Variants in CNTNAP2 observed in about 807,000 individuals in gnomAD.
CNTNAP2 encodes the protein contactin associated protein 2.
CNTNAP2 carries 98 observed loss-of-function variants against 155.2 expected under a neutral mutation model. The observed-to-expected ratio is 0.63, with a 90% CI of 0.54 to 0.75. The LOEUF is 0.75. CNTNAP2 is among the 30% of genes least tolerant of loss of function. The pLI is 0.00. For synonymous variants in CNTNAP2, 651 were observed against 631.2 expected (o/e 1.03, Z -0.47); for missense variants, 1,727 against 1,688.1 (o/e 1.02, Z -0.40).
At chr7:147,929,534 C>A (rs1800461165) in intron 14 of CNTNAP2, among the ~76,000 whole-genome samples, 1 of 152,088 alleles carries the variant, frequency 6.6e-6, no homozygotes, top group South Asian at 2.1e-4. Context: ...TTTCAAAATA[C>A]AAAGTGTTAT....
intron 3 of CNTNAP2, among the ~76,000 whole-genome samples, chr7:146,842,932 G>T (rs1348357825): frequency 7.1e-6 from 1 of 140,554 alleles, no homozygotes; most frequent in East Asian, 2.2e-4. Flanking sequence ...TGATCTGCCT[G>T]CCTCGGCCTC....
intron 1 of CNTNAP2, among the ~76,000 whole-genome samples, chr7:146,240,928 G>T (rs1317202323): frequency 1.3e-5 from 2 of 152,102 alleles, no homozygotes; most frequent in Non-Finnish European, 2.9e-5. Flanking sequence ...TCAGCTTCTG[G>T]GGAGGCCTCA....
chr7:147,472,088 A>G (rs1278708994), intron 10 of CNTNAP2, among the ~76,000 whole-genome samples: 1 of 152,126 alleles, frequency 6.6e-6, no homozygotes, highest in Non-Finnish European at 1.5e-5. Flanking sequence ...GGGTTATGCT[A>G]TAGAAGAGGA....
intron 1 of CNTNAP2, among the ~76,000 whole-genome samples, chr7:146,446,220 A>T (rs1189574636): frequency 6.6e-6 from 1 of 152,170 alleles, no homozygotes; most frequent in East Asian, 1.9e-4. Context: ...TAATCATGAT[A>T]ATATGACACA....
At chr7:146,235,845 T>TAAAAACC (rs1033142421) in intron 1 of CNTNAP2, among the ~76,000 whole-genome samples, 2 of 152,092 alleles carry the variant, frequency 1.3e-5, no homozygotes, top group African/African-American at 4.8e-5. Flanking sequence ...TGCCTTCTTA[T>TAAAAACC]AAAAACCAAA....
intron 14 of CNTNAP2, among the ~76,000 whole-genome samples, chr7:147,972,323 G>T (rs1318541192): frequency 1.3e-5 from 2 of 152,242 alleles, no homozygotes; most frequent in East Asian, 3.9e-4. Context: ...TACTCTGCTA[G>T]AATTACTGTA....
intron 1 of CNTNAP2, among the ~76,000 whole-genome samples, chr7:146,683,502 T>A (rs1800541559): frequency 6.6e-6 from 1 of 152,338 alleles, no homozygotes; most frequent in East Asian, 1.9e-4. Flanking sequence ...GAACTCAAAC[T>A]ACAGTGCCAC....
chr7:147,898,046 T>C (rs1475562267), intron 13 of CNTNAP2, among the ~76,000 whole-genome samples: 1 of 152,192 alleles, frequency 6.6e-6, no homozygotes, highest in African/African-American at 2.4e-5. Context: ...TCTTGACTGT[T>C]TACCAGATTA....
At chr7:147,124,023 A>G (rs1801174801) in intron 6 of CNTNAP2, among the ~76,000 whole-genome samples, 2 of 152,264 alleles carry the variant, frequency 1.3e-5, no homozygotes, top group Non-Finnish European at 2.9e-5. Context: ...GCTTGGGCAA[A>G]AAGAGTGAAA....
At chr7:146,182,438 G>A (rs1182721361) in intron 1 of CNTNAP2, among the ~76,000 whole-genome samples, 1 of 152,074 alleles carries the variant, frequency 6.6e-6, no homozygotes, top group African/African-American at 2.4e-5. Flanking sequence ...CTACATATAG[G>A]CAAGCAGAGA....
intron 13 of CNTNAP2, among the ~76,000 whole-genome samples, chr7:147,902,831 T>G (rs1799894871): frequency 8.7e-6 from 1 of 115,316 alleles, no homozygotes; most frequent in Admixed American, 9.0e-5. Flanking sequence ...TGTGTGTGTG[T>G]GTGTGTGTGT....
At chr7:147,459,298 T>C (rs145663214) in intron 10 of CNTNAP2, among the ~76,000 whole-genome samples, 1 of 152,340 alleles carries the variant, frequency 6.6e-6, no homozygotes, top group East Asian at 1.9e-4. Context: ...CACATTCTGC[T>C]TGAAAGCTGA....
intron 1 of CNTNAP2, among the ~76,000 whole-genome samples, chr7:146,227,404 A>G: frequency 1.3e-5 from 2 of 149,116 alleles, no homozygotes; most frequent in Non-Finnish European, 3.0e-5. Flanking sequence ...CAGCCTGGGC[A>G]ACAGAGTGAG....
intron 13 of CNTNAP2, among the ~76,000 whole-genome samples, chr7:147,727,941 A>G (rs1376565426): frequency 2.6e-5 from 4 of 151,968 alleles, no homozygotes; most frequent in Admixed American, 6.6e-5. Context: ...CCATCTCACT[A>G]GCCACCCCTA....
intron 9 of CNTNAP2, among the ~76,000 whole-genome samples, chr7:147,386,371 A>C (rs772491107): frequency 2.6e-5 from 4 of 152,086 alleles, no homozygotes; most frequent in Admixed American, 6.6e-5. Context: ...TCAGGTTGTA[A>C]ATTTTCCAAA....
intron 10 of CNTNAP2, among the ~76,000 whole-genome samples, chr7:147,431,800 C>G (rs1489497929): frequency 6.6e-6 from 1 of 152,100 alleles, no homozygotes; most frequent in Non-Finnish European, 1.5e-5. Context: ...TTCTGCCTGC[C>G]CCTGCTAATT....
chr7:147,180,669 T>C (rs987993486), intron 8 of CNTNAP2, among the ~76,000 whole-genome samples: 2 of 152,168 alleles, frequency 1.3e-5, no homozygotes, highest in Non-Finnish European at 2.9e-5. Flanking sequence ...TTGTATATAT[T>C]AATAATTTCA....
chr7:148,355,467 C>G (rs35274280), intron 21 of CNTNAP2, among the ~76,000 whole-genome samples: 5,540 of 152,088 alleles, frequency 0.036, 102 homozygotes, highest in African/African-American at 0.049. Flanking sequence ...AGGTTAGCTC[C>G]AAACACTTAA....
chr7:146,380,422 A>C (rs552520949), intron 1 of CNTNAP2, among the ~76,000 whole-genome samples: 1 of 152,320 alleles, frequency 6.6e-6, no homozygotes, highest in South Asian at 2.1e-4. Flanking sequence ...CTCTAAAAGT[A>C]ACTGATGTCG....
Sources: gnomAD v4.1 joint callset for allele counts (sites outside exome capture counted in the v4.1 genomes callset) on GRCh38, gnomAD v4.1.1 for gene constraint, MANE v1.5 for transcripts, NCBI Gene and HGNC (gene_info 2026-07-23, HGNC 2026-07-21) for gene names.